Variants in PVT1 observed in about 807,000 individuals in gnomAD.
PVT1 encodes Pvt1 oncogene.
chr8:127,868,770 CAT>C (rs869296227), intron 2 of PVT1, among the ~76,000 whole-genome samples: 6 of 494 alleles, frequency 0.012, no homozygotes, highest in Non-Finnish European at 0.039. Flanking sequence ...TTCCTTTTAA[CAT>C]ATATATATAT....
intron 4 of PVT1, among the ~76,000 whole-genome samples, chr8:128,043,773 TACACACAC>T (rs112991135): frequency 2.8e-4 from 40 of 140,798 alleles, no homozygotes; most frequent in South Asian, 1.1e-3. Context: ...AACTATTTCC[TACACACAC>T]ACACACACAC....
intron 2 of PVT1, among the ~76,000 whole-genome samples, chr8:127,885,165 G>C (rs1381921612): frequency 6.6e-6 from 1 of 152,128 alleles, no homozygotes; most frequent in Non-Finnish European, 1.5e-5. Flanking sequence ...GGCAGGTCTT[G>C]GTGGTCACTT....
At chr8:127,918,464 C>A (rs1173634962) in intron 3 of PVT1, among the ~76,000 whole-genome samples, 1 of 152,186 alleles carries the variant, frequency 6.6e-6, no homozygotes, top group African/African-American at 2.4e-5. Flanking sequence ...AACATTACTA[C>A]CAACGACGAT....
At chr8:127,948,202 G>A (rs1816449674) in intron 3 of PVT1, 2 of 339,062 alleles carry the variant, frequency 5.9e-6, no homozygotes, top group Admixed American at 4.0e-5. Flanking sequence ...TGGATGGCGT[G>A]TAGTAGTGTT....
At chr8:127,954,735 C>T (rs375171301) in intron 3 of PVT1, among the ~76,000 whole-genome samples, 2 of 152,124 alleles carry the variant, frequency 1.3e-5, no homozygotes, top group South Asian at 4.1e-4. Context: ...AAGAAGGATT[C>T]GGGCCTCTGA....
chr8:127,930,906 G>C (rs1344201858), intron 3 of PVT1, among the ~76,000 whole-genome samples: 1 of 152,040 alleles, frequency 6.6e-6, no homozygotes, highest in Non-Finnish European at 1.5e-5. Flanking sequence ...ATATTGATGG[G>C]GTTTTTGTTG....
chr8:128,016,026 G>T (rs963890625), intron 4 of PVT1, among the ~76,000 whole-genome samples: 8 of 152,086 alleles, frequency 5.3e-5, no homozygotes, highest in Non-Finnish European at 1.2e-4. Flanking sequence ...TTAGAAGGGG[G>T]ATGGTCTTTG....
At chr8:128,092,300 A>T (rs940098479) in intron 5 of PVT1, among the ~76,000 whole-genome samples, 3 of 151,266 alleles carry the variant, frequency 2.0e-5, no homozygotes, top group African/African-American at 7.3e-5. Context: ...CGTCAGACAG[A>T]TGGCTCAGGT....
intron 4 of PVT1, among the ~76,000 whole-genome samples, chr8:128,026,018 C>T (rs1817489191): frequency 6.6e-6 from 1 of 151,734 alleles, no homozygotes; most frequent in Non-Finnish European, 1.5e-5. Context: ...ATGTTGTGAT[C>T]TCAGCTCACT....
intron 4 of PVT1, among the ~76,000 whole-genome samples, chr8:128,055,417 C>A (rs934291777): frequency 6.6e-6 from 1 of 152,150 alleles, no homozygotes; most frequent in Non-Finnish European, 1.5e-5. Context: ...AATATTAACA[C>A]CTCCTACATT....
intron 3 of PVT1, among the ~76,000 whole-genome samples, chr8:127,962,797 G>A (rs567061924): frequency 1.3e-5 from 2 of 151,912 alleles, no homozygotes; most frequent in South Asian, 2.1e-4. Flanking sequence ...GGGTTTCACC[G>A]TGTTGGCCAG....
At chr8:127,817,846 A>G (rs1482947817) in intron 2 of PVT1, among the ~76,000 whole-genome samples, 1 of 152,102 alleles carries the variant, frequency 6.6e-6, no homozygotes, top group African/African-American at 2.4e-5. Context: ...GAGCTGCAAC[A>G]GAGTGACACC....
intron 3 of PVT1, among the ~76,000 whole-genome samples, chr8:127,961,834 C>G (rs554132192): frequency 2.6e-5 from 4 of 152,178 alleles, no homozygotes; most frequent in Admixed American, 6.5e-5. Flanking sequence ...CTCCAGAGGC[C>G]CCCCCTGCCC....
At chr8:127,837,493 T>C (rs553786672) in intron 2 of PVT1, among the ~76,000 whole-genome samples, 1 of 152,096 alleles carries the variant, frequency 6.6e-6, no homozygotes, top group South Asian at 2.1e-4. Context: ...TTTGAAAAAT[T>C]CCCTTGATTT....
intron 3 of PVT1, among the ~76,000 whole-genome samples, chr8:127,978,509 C>T (rs1816847605): frequency 6.6e-6 from 1 of 151,882 alleles, no homozygotes; most frequent in South Asian, 2.1e-4. Flanking sequence ...TAAACGGAGT[C>T]TCGCTCTGTT....
At chr8:128,069,128 T>A (rs1489861394) in intron 4 of PVT1, among the ~76,000 whole-genome samples, 1 of 152,178 alleles carries the variant, frequency 6.6e-6, no homozygotes, top group Non-Finnish European at 1.5e-5. Context: ...TGACAATCTC[T>A]GATGTGGCAA....
At chr8:127,967,541 T>C (rs890443) in intron 3 of PVT1, among the ~76,000 whole-genome samples, 119,546 of 152,214 alleles carry the variant, frequency 0.79, 47,549 homozygotes, top group African/African-American at 0.91. Flanking sequence ...CAGTAAATGC[T>C]TCTGCCTGGC....
chr8:127,970,546 G>A (rs570611147), intron 3 of PVT1, among the ~76,000 whole-genome samples: 1 of 151,816 alleles, frequency 6.6e-6, no homozygotes. Flanking sequence ...TGATCCGCCC[G>A]CCTCGGCCTC....
intron 2 of PVT1, among the ~76,000 whole-genome samples, chr8:127,872,393 G>T (rs2129771759): frequency 6.6e-6 from 1 of 152,270 alleles, no homozygotes; most frequent in South Asian, 2.1e-4. Context: ...AGCCTGGGTG[G>T]CAGAGAGAGT....
Sources: allele counts gnomAD v4.1 joint callset (sites outside exome capture counted in the v4.1 genomes callset), GRCh38; gene constraint gnomAD v4.1.1; transcripts MANE v1.5; gene names NCBI Gene and HGNC (gene_info 2026-07-23, HGNC 2026-07-21).